The following ST3GAL3 variants were observed in gnomAD, a reference collection of about 807,000 sequenced individuals.
The protein encoded by ST3GAL3 is ST3 beta-galactoside alpha-2,3-sialyltransferase 3.
In ST3GAL3, 21 loss-of-function variants were observed where a neutral mutation model predicts 50.1. The ratio of observed to expected loss-of-function variants is 0.42; its 90% CI spans 0.30 to 0.60. ST3GAL3 has a LOEUF of 0.60. Among genes scored for constraint, ST3GAL3 ranks in the 20% least tolerant of loss-of-function variants. ST3GAL3 has a pLI of 0.19. For synonymous variants in ST3GAL3, 183 were observed against 190.0 expected, an observed-to-expected ratio of 0.96 and a Z score of 0.30; for missense variants, 353 against 489.4, an observed-to-expected ratio of 0.72 and a Z score of 2.63.
intron 5 of ST3GAL3, among the ~76,000 whole-genome samples, chr1:43,864,721 A>G (rs2070865476): frequency 1.3e-5 from 2 of 152,160 alleles, no homozygotes; most frequent in African/African-American, 4.8e-5. Context: ...GGAAGAGGTG[A>G]TAAGGACAAG....
At chr1:43,864,668 G>A (rs1046662249) in intron 5 of ST3GAL3, among the ~76,000 whole-genome samples, 5 of 152,330 alleles carry the variant, frequency 3.3e-5, no homozygotes, top group African/African-American at 1.2e-4. Flanking sequence ...CTGAAATGGG[G>A]AGAAAGGGTT....
intron 2 of ST3GAL3, among the ~76,000 whole-genome samples, chr1:43,756,211 A>C (rs1273453937): frequency 6.6e-6 from 1 of 152,178 alleles, no homozygotes; most frequent in South Asian, 2.1e-4. Context: ...CGCTGAACAA[A>C]AGAAATCCTA....
At chr1:43,906,021 T>C (rs1264504164) in intron 9 of ST3GAL3, among the ~76,000 whole-genome samples, 9 of 76,880 alleles carry the variant, frequency 1.2e-4, no homozygotes, top group African/African-American at 1.0e-4. Context: ...CTTCTGTTCC[T>C]CTTCCCGCCA....
intron 3 of ST3GAL3, among the ~76,000 whole-genome samples, chr1:43,809,925 G>A (rs1242980014): frequency 3.3e-5 from 5 of 150,756 alleles, no homozygotes; most frequent in East Asian, 1.9e-4. Flanking sequence ...CCCGGGAGGT[G>A]GAGGTTGCAG....
chr1:43,785,294 T>C (rs2057162172), intron 2 of ST3GAL3, among the ~76,000 whole-genome samples: 1 of 152,216 alleles, frequency 6.6e-6, no homozygotes, highest in South Asian at 2.1e-4. Flanking sequence ...AAGTGGAGCC[T>C]CTGCTTCTGA....
intron 2 of ST3GAL3, among the ~76,000 whole-genome samples, chr1:43,774,615 G>T (rs1696494941): frequency 6.6e-6 from 1 of 152,176 alleles, no homozygotes; most frequent in South Asian, 2.1e-4. Flanking sequence ...CATCTCCAGG[G>T]CTGTAGATGT....
intron 5 of ST3GAL3, chr1:43,839,413 G>A (rs563371243): frequency 2.0e-5 from 3 of 152,238 alleles, no homozygotes; most frequent in South Asian, 2.1e-4. Context: ...AAGCCTATAC[G>A]ACTCAGTCCT....
intron 5 of ST3GAL3, among the ~76,000 whole-genome samples, chr1:43,856,738 G>A (rs1260137913): frequency 3.3e-5 from 5 of 152,016 alleles, no homozygotes; most frequent in Non-Finnish European, 7.4e-5. Context: ...ATTCCTTAGC[G>A]TCAGGTGTTG....
chr1:43,833,486 C>T (rs753220909), intron 4 of ST3GAL3, among the ~76,000 whole-genome samples: 24 of 152,106 alleles, frequency 1.6e-4, no homozygotes, highest in Non-Finnish European at 2.1e-4. Flanking sequence ...GGCCAGACAC[C>T]GTACTCAGTG....
At chr1:43,723,389 G>T (rs146756826) in intron 1 of ST3GAL3, among the ~76,000 whole-genome samples, 1 of 151,928 alleles carries the variant, frequency 6.6e-6, no homozygotes, top group Non-Finnish European at 1.5e-5. Flanking sequence ...AATTACAGGC[G>T]TGAGCCACCA....
At chr1:43,780,280 C>T (rs1698947624) in intron 2 of ST3GAL3, among the ~76,000 whole-genome samples, 1 of 151,912 alleles carries the variant, frequency 6.6e-6, no homozygotes, top group Admixed American at 6.6e-5. Context: ...TTTGGTGTTC[C>T]TCTTGAGGAG....
chr1:43,822,519 C>T lies in ST3GAL3; in HGVS notation c.209+7586C>T, dbSNP rs114508704. 2.8e-3 allele frequency among the ~76,000 whole-genome samples: 424 copies of T among 152,254 alleles called. 1 individual carries two copies. The highest frequency in any genetic ancestry group is 9.5e-3 in the African/African-American group (395 of 41,542). On this transcript the variant is annotated intron_variant, in intron 4 of 11. Coordinates refer to ENST00000347631, the MANE Select transcript of ST3GAL3 (RefSeq NM_006279.5). ...AAAATGAAAGCAAACAACTCTTAAC[C>T]CCCAGAGCCTTGTGAAAAACCAGGT...
chr1:43,906,621 C>T (rs904021384), intron 9 of ST3GAL3, among the ~76,000 whole-genome samples: 3 of 149,494 alleles, frequency 2.0e-5, no homozygotes, highest in African/African-American at 7.4e-5. Flanking sequence ...TCCTGCTCTT[C>T]TTCCTGCCAC....
At chr1:43,755,378 A>G (rs575991482) in intron 2 of ST3GAL3, among the ~76,000 whole-genome samples, 1 of 152,388 alleles carries the variant, frequency 6.6e-6, no homozygotes, top group African/African-American at 2.4e-5. Context: ...ATGTGAGACT[A>G]TTGTAACTTA....
At chr1:43,831,970 G>A (rs1482799096) in intron 4 of ST3GAL3, among the ~76,000 whole-genome samples, 2 of 152,138 alleles carry the variant, frequency 1.3e-5, no homozygotes, top group African/African-American at 2.4e-5. Flanking sequence ...CATTAGATCC[G>A]CTGTCTGGTG....
intron 9 of ST3GAL3, among the ~76,000 whole-genome samples, chr1:43,906,145 G>C (rs866038218): frequency 9.8e-3 from 108 of 11,074 alleles, no homozygotes; most frequent in Middle Eastern, 0.071. Flanking sequence ...TCCCACCACT[G>C]TTCCTCCCCC....
chr1:43,906,185 C>T (rs1448610399), intron 9 of ST3GAL3, among the ~76,000 whole-genome samples: 1 of 128,822 alleles, frequency 7.8e-6, no homozygotes, highest in Non-Finnish European at 1.6e-5. Flanking sequence ...GCCACTCTTC[C>T]TCCCCCTCCT....
chr1:43,863,430 C>T (rs189852130), intron 5 of ST3GAL3, among the ~76,000 whole-genome samples: 102 of 152,240 alleles, frequency 6.7e-4, no homozygotes, highest in African/African-American at 2.4e-3. Flanking sequence ...TTGCATGGAC[C>T]AGGGTTATAG....
chr1:43,835,923 T>C (rs1240022427), intron 4 of ST3GAL3, among the ~76,000 whole-genome samples: 1 of 152,226 alleles, frequency 6.6e-6, no homozygotes, highest in East Asian at 1.9e-4. Context: ...CCACCCCGTG[T>C]CTGACTGTGT....
Sources: allele counts gnomAD v4.1 joint callset (sites outside exome capture counted in the v4.1 genomes callset), GRCh38; gene constraint gnomAD v4.1.1; transcripts MANE v1.5; gene names NCBI Gene and HGNC (gene_info 2026-07-23, HGNC 2026-07-21).